Variants in LSM3 observed in about 807,000 individuals in gnomAD.
LSM3 encodes LSM3 homolog, U6 small nuclear RNA and mRNA degradation associated, also known as U6 snRNA-associated Sm-like protein LSm3.
Under a neutral mutation model 15.4 loss-of-function variants are expected in LSM3, and 14 were observed. The ratio of observed to expected loss-of-function variants is 0.91; its 90% confidence interval spans 0.60 to 1.42. The LOEUF (loss-of-function observed/expected upper bound fraction) is 1.42, where lower values mean the gene tolerates loss of function less well. Among genes scored for constraint, LSM3 ranks in the 40% most tolerant of loss-of-function variants. The pLI is 0.00. For synonymous variants in LSM3, 46 were observed against 45.1 expected, an observed-to-expected ratio of 1.02 and a Z score of -0.08; for missense variants, 88 against 127.9, an observed-to-expected ratio of 0.69 and a Z score of 1.50.
chr3:14,178,877 A>G lies in LSM3; in HGVS notation c.17A>G (p.Asp6Gly). The change falls in exon 1 of 4, where the codon GAC (aspartate) becomes GGC (glycine). Residue 6 changes from aspartate to glycine, a missense_variant. Physicochemically the swap from Asp to Gly is moderately conservative, Grantham distance 94. Transcript: ENST00000306024. MADDV[D>G]QQQTTNTVEE... Reference sequence around the variant, plus strand: ...GTTTGAAACATGGCGGACGACGTAGACCAGGTAAGTGTATTTTAAGGAGGT... The same window carrying G: ...GTTTGAAACATGGCGGACGACGTAGGCCAGGTAAGTGTATTTTAAGGAGGT... The G allele has an allele frequency of 6.2e-7, 1 of 1,614,238 alleles. No homozygotes were observed. Among genetic ancestry groups the G allele is most frequent in the Non-Finnish European group, 8.5e-7 (1 of 1,180,042 alleles).
chr3:14,179,807 G>A (rs1292574606), intron 1 of LSM3, among the ~76,000 whole-genome samples: 2 of 152,206 alleles, frequency 1.3e-5, no homozygotes, highest in African/African-American at 4.8e-5. Flanking sequence ...AAAGCTACAG[G>A]ATGAAAAGAG....
chr3:14,193,982 C>A (rs1440283128), intron 3 of LSM3, among the ~76,000 whole-genome samples: 1 of 152,134 alleles, frequency 6.6e-6, no homozygotes, highest in African/African-American at 2.4e-5. Context: ...TGTGCTAATC[C>A]TTTTTAGCAC....
intron 3 of LSM3, among the ~76,000 whole-genome samples, chr3:14,197,787 A>G (rs543872326): frequency 2.2e-4 from 34 of 152,354 alleles, no homozygotes; most frequent in Admixed American, 3.9e-4. Flanking sequence ...AAGGAAGAAT[A>G]AGAAACATAG....
In LSM3 at chr3:14,190,987, TTAGC is replaced by T. The variant is rs1360715968; in HGVS notation, c.228+6956_228+6959del. Among the ~76,000 whole-genome samples the T allele has an allele frequency of 7.0e-4, 107 of 152,342 alleles. 1 individual carries two copies. The South Asian group carries it at 0.02, about 29-fold the overall frequency. ...TTGATACCTAGTTTATTGAGAGTTT[TTAGC>T]ATGAAGGGGTGTTGAATTTTATCGA... On this transcript the variant is annotated intron_variant, in intron 3 of 3. Coordinates refer to ENST00000306024, the MANE Select transcript of LSM3 (RefSeq NM_014463.3).
intron 3 of LSM3, among the ~76,000 whole-genome samples, chr3:14,191,516 T>C (rs1440845056): frequency 6.6e-6 from 1 of 152,116 alleles, no homozygotes; most frequent in Non-Finnish European, 1.5e-5. Flanking sequence ...CTTGGGAGGG[T>C]GTATGTGTCC....
At chr3:14,195,061 G>A (rs923582080) in intron 3 of LSM3, among the ~76,000 whole-genome samples, 1 of 152,054 alleles carries the variant, frequency 6.6e-6, no homozygotes, top group Non-Finnish European at 1.5e-5. Flanking sequence ...TGCACTGCTG[G>A]AGTTTGTTTC....
chr3:14,183,791 A>G, intron 2 of LSM3, 146 bp from the exon 3 acceptor site: 2 of 533,194 alleles, frequency 3.8e-6, no homozygotes, highest in East Asian at 6.3e-5. Context: ...TTAGTACTGT[A>G]GGATTACTTT....
Position 14,181,506 on chromosome 3 carries a change from T to C in LSM3, c.22-54T>C, listed in dbSNP as rs571342030. ...CATGGTCACACAGCATAGCAGTGAT[T>C]TAAGCACTACTCTGACTCTAGTACT... On this transcript the variant is annotated intron_variant, in intron 1 of 3. Transcript: ENST00000306024. 444 of 1,151,280 alleles carry C rather than the reference T, an allele frequency of 3.9e-4. 7 individuals carry two copies. The South Asian group carries it at 4.9e-3, about 13-fold the overall frequency. The allele number at this position is 1,151,280 out of a possible 1,614,324, so 71.3% of individuals were successfully genotyped here. A position where few individuals can be genotyped will look rare whatever the true frequency, so the allele number is the denominator to read the frequency against.
Position 14,198,337 on chromosome 3 carries a change from A to G in LSM3, c.*221A>G. The G allele has an allele frequency of 2.0e-6, 1 of 510,842 alleles. No homozygotes were observed. The highest frequency in any genetic ancestry group is 3.5e-6 in the Non-Finnish European group (1 of 288,464). The allele number at this position is 510,842 out of a possible 1,614,324, so 31.6% of individuals were successfully genotyped here. ...AAGCTCTCCAATAAATATGACCACC[A>G]AGATGCAGAACTCTTTCAGGACTTC... On this transcript the variant is annotated 3_prime_UTR_variant, in exon 4 of 4. Coordinates refer to ENST00000306024, the MANE Select transcript of LSM3 (RefSeq NM_014463.3).
At chr3:14,185,135 G>A (rs2125057399) in intron 3 of LSM3, among the ~76,000 whole-genome samples, 1 of 152,142 alleles carries the variant, frequency 6.6e-6, no homozygotes. Flanking sequence ...TGGATCACCT[G>A]AGGTCAGGAG....
At chr3:14,191,882 A>G (rs1458740093) in intron 3 of LSM3, among the ~76,000 whole-genome samples, 1 of 151,986 alleles carries the variant, frequency 6.6e-6, no homozygotes, top group East Asian at 1.9e-4. Flanking sequence ...TAGGGTGTCA[A>G]TTTTAGATCT....
chr3:14,191,111 C>A lies in LSM3; in HGVS notation c.229-6925C>A, dbSNP rs546778180. Among the ~76,000 whole-genome samples the A allele has an allele frequency of 4.6e-5, 7 of 152,260 alleles. No homozygotes were observed. In the East Asian group the frequency reaches 1.4e-3, roughly 29 times the overall value. On this transcript the variant is annotated intron_variant, in intron 3 of 3. Coordinates refer to ENST00000306024, the MANE Select transcript of LSM3 (RefSeq NM_014463.3). ...CATTGATTTGCATATGTTGAACCAG[C>A]CTTGCATCCCAGGGATGAAGCTGAC...
chr3:14,186,580 C>A (rs547974674), intron 3 of LSM3, among the ~76,000 whole-genome samples: 1 of 152,188 alleles, frequency 6.6e-6, no homozygotes, highest in Non-Finnish European at 1.5e-5. Context: ...TGAGTGTAAA[C>A]ATTTAGCATT....
chr3:14,179,336 G>C (rs1696986605), intron 1 of LSM3, among the ~76,000 whole-genome samples: 1 of 152,020 alleles, frequency 6.6e-6, no homozygotes, highest in South Asian at 2.1e-4. Context: ...TTATATTTGC[G>C]AGGAGAACAG....
chr3:14,186,177 A>G (rs1301546990), intron 3 of LSM3, among the ~76,000 whole-genome samples: 1 of 152,226 alleles, frequency 6.6e-6, no homozygotes, highest in African/African-American at 2.4e-5. Context: ...GGGAGCCACT[A>G]TGCCAGGCCG....
At chr3:14,189,171 A>G (rs192179686) in intron 3 of LSM3, among the ~76,000 whole-genome samples, 35 of 152,308 alleles carry the variant, frequency 2.3e-4, no homozygotes, top group African/African-American at 7.7e-4. Flanking sequence ...CATGGTGTAT[A>G]TGTGCCACAT....
chr3:14,187,400 C>T (rs1697099139), intron 3 of LSM3, among the ~76,000 whole-genome samples: 1 of 152,190 alleles, frequency 6.6e-6, no homozygotes, highest in Non-Finnish European at 1.5e-5. Flanking sequence ...TTAATGAGTT[C>T]TTTTTCACAT....
intron 3 of LSM3, among the ~76,000 whole-genome samples, chr3:14,197,272 A>G (rs904037625): frequency 2.6e-5 from 4 of 152,248 alleles, no homozygotes; most frequent in Admixed American, 2.6e-4. Flanking sequence ...ACATTAGGCT[A>G]ACAGCAACAT....
At position 14,200,881 on chromosome 3, in the gene LSM3, C is replaced by T. The variant is rs1386145929; in HGVS notation, c.*2765C>T. On this transcript the variant is annotated 3_prime_UTR_variant, in exon 4 of 4. Transcript: ENST00000306024. ...GTGCGGTGACACACACCTGTAAACT[C>T]AACCACTAAGGAGACTGAGGCGGGA... is the stretch of plus-strand genomic sequence containing the variant. The T allele has an allele frequency of 3.3e-5, 5 of 152,166 alleles. No homozygotes were observed. The highest frequency in any genetic ancestry group is 1.2e-4 in the African/African-American group (5 of 41,426). 9.4% of individuals were successfully genotyped at this position (152,166 alleles called of 1,614,324 possible). A position where few individuals can be genotyped will look rare whatever the true frequency, so the allele number is the denominator to read the frequency against.
Sources: allele counts gnomAD v4.1 joint callset (sites outside exome capture counted in the v4.1 genomes callset), GRCh38; gene constraint gnomAD v4.1.1; transcripts MANE v1.5; gene names NCBI Gene and HGNC (gene_info 2026-07-23, HGNC 2026-07-21).